Variants in LHFPL2 observed in about 807,000 individuals in gnomAD.
LHFPL2 encodes LHFPL tetraspan subfamily member 2 protein.
In LHFPL2, 7 loss-of-function variants were observed where a neutral mutation model predicts 17.5. That is an observed-to-expected ratio of 0.40 (90% CI 0.23 to 0.75). The LOEUF (loss-of-function observed/expected upper bound fraction) is 0.75. Ranked by LOEUF, LHFPL2 falls within the 30% of genes least tolerant of loss-of-function variation. The pLI, the probability that LHFPL2 is intolerant of heterozygous loss-of-function variation, is 0.37. For missense variants in LHFPL2, 241 were observed against 294.8 expected, an observed-to-expected ratio of 0.82 and a Z score of 1.34; for synonymous variants, 134 against 116.2, an observed-to-expected ratio of 1.15 and a Z score of -0.99.
intron 4 of LHFPL2, chr5:78,494,218 G>C (rs969767976): frequency 4.6e-5 from 10 of 217,234 alleles, no homozygotes; most frequent in Non-Finnish European, 7.0e-5. Context: ...CTTCTGCCTG[G>C]CATCTCTACC....
chr5:78,548,030 C>A (rs922160617), intron 3 of LHFPL2, among the ~76,000 whole-genome samples: 2 of 152,238 alleles, frequency 1.3e-5, no homozygotes, highest in African/African-American at 4.8e-5. Flanking sequence ...CGGGAGGATC[C>A]CGAGGGAATG....
In LHFPL2 at chr5:78,554,243, G is replaced by T. The variant is rs191644402; in HGVS notation, c.-186+10570C>A. ...CCCCGTTCCTGCACACGCTTACAGCGAGCACCCAGGACTTCCACCTGAGGG... is the reference window on the plus strand; with the variant it reads ...CCCCGTTCCTGCACACGCTTACAGCTAGCACCCAGGACTTCCACCTGAGGG... On this transcript the variant is annotated intron_variant, in intron 3 of 4. Coordinates refer to ENST00000380345, the MANE Select transcript of LHFPL2 (RefSeq NM_005779.3). 2.1e-3 allele frequency among the ~76,000 whole-genome samples: 321 copies of T among 152,362 alleles called. 2 individuals carry two copies. Among genetic ancestry groups the T allele is most frequent in the African/African-American group, 7.1e-3 (297 of 41,586 alleles).
chr5:78,621,092 T>A (rs1744837735), intron 2 of LHFPL2, among the ~76,000 whole-genome samples: 1 of 151,782 alleles, frequency 6.6e-6, no homozygotes, highest in Admixed American at 6.6e-5. Context: ...TATGACACCA[T>A]CCTTTAACTG....
At chr5:78,504,577 C>T (rs751844742) in intron 4 of LHFPL2, among the ~76,000 whole-genome samples, 2 of 152,132 alleles carry the variant, frequency 1.3e-5, no homozygotes, top group Non-Finnish European at 2.9e-5. Flanking sequence ...AGCTGCATTT[C>T]GTATGCCCAC....
At chr5:78,613,265 C>G (rs1267796351) in intron 2 of LHFPL2, among the ~76,000 whole-genome samples, 11 of 152,310 alleles carry the variant, frequency 7.2e-5, no homozygotes, top group Non-Finnish European at 1.3e-4. Flanking sequence ...AAGATCATGG[C>G]AAACTTGGAA....
intron 2 of LHFPL2, among the ~76,000 whole-genome samples, chr5:78,597,388 A>T (rs1240933838): frequency 6.6e-6 from 1 of 151,986 alleles, no homozygotes; most frequent in Non-Finnish European, 1.5e-5. Context: ...AGTTTTTCTA[A>T]TTTTTTCCCA....
At chr5:78,593,631 AATG>A (rs1346297894) in intron 2 of LHFPL2, among the ~76,000 whole-genome samples, 1 of 152,218 alleles carries the variant, frequency 6.6e-6, no homozygotes, top group Non-Finnish European at 1.5e-5. Context: ...TTGAACAAGC[AATG>A]ATGTATTTAT....
At chr5:78,585,852 G>T (rs959676433) in intron 2 of LHFPL2, among the ~76,000 whole-genome samples, 3 of 152,164 alleles carry the variant, frequency 2.0e-5, no homozygotes, top group Non-Finnish European at 4.4e-5. Context: ...GGTTGGGGTT[G>T]GGGTTGGGGA....
Position 78,539,771 on chromosome 5 carries a change from T to C in LHFPL2, c.-186+25042A>G, listed in dbSNP as rs549553662. On this transcript the variant is annotated intron_variant, in intron 3 of 4. Coordinates refer to ENST00000380345, the MANE Select transcript of LHFPL2 (RefSeq NM_005779.3). ...CCTGCTAAGCCACACTGGGCATTTT[T>C]CTTGCCCCACTAACAACTTCTACAT... 7.9e-5 allele frequency among the ~76,000 whole-genome samples: 12 copies of C among 151,962 alleles called. No individual in the cohort carries two copies. In the South Asian group the frequency reaches 1.9e-3, roughly 24 times the overall value.
At chr5:78,587,482 G>T (rs554457859) in intron 2 of LHFPL2, among the ~76,000 whole-genome samples, 1 of 152,216 alleles carries the variant, frequency 6.6e-6, no homozygotes, top group Non-Finnish European at 1.5e-5. Context: ...CCTGGACAAA[G>T]TGGGAGACTT....
At chr5:78,574,133 T>A (rs1168998204) in intron 2 of LHFPL2, among the ~76,000 whole-genome samples, 1 of 152,234 alleles carries the variant, frequency 6.6e-6, no homozygotes, top group Non-Finnish European at 1.5e-5. Context: ...ATTATTTACA[T>A]AATGTCTGTT....
At chr5:78,607,790 T>C (rs1321001667) in intron 2 of LHFPL2, among the ~76,000 whole-genome samples, 1 of 152,216 alleles carries the variant, frequency 6.6e-6, no homozygotes, top group Non-Finnish European at 1.5e-5. Context: ...TGGTAGGTTT[T>C]TTTTCCCCTA....
At chr5:78,635,719 T>C (rs999769813) in intron 1 of LHFPL2, among the ~76,000 whole-genome samples, 1 of 152,010 alleles carries the variant, frequency 6.6e-6, no homozygotes, top group Non-Finnish European at 1.5e-5. Flanking sequence ...AGGAGAATGG[T>C]GTGAACCCGG....
At chr5:78,531,477 T>C (rs1030056677) in intron 3 of LHFPL2, among the ~76,000 whole-genome samples, 1 of 151,286 alleles carries the variant, frequency 6.6e-6, no homozygotes, top group Admixed American at 6.6e-5. Flanking sequence ...AAAATAAAGA[T>C]AGCATCAGCA....
At chr5:78,643,808 C>G (rs1388764440) in intron 1 of LHFPL2, among the ~76,000 whole-genome samples, 2 of 152,332 alleles carry the variant, frequency 1.3e-5, no homozygotes, top group East Asian at 3.8e-4. Flanking sequence ...CGCCTGTAAT[C>G]TCAGCACTTT....
chr5:78,618,075 G>A (rs1158586318), intron 2 of LHFPL2, among the ~76,000 whole-genome samples: 1 of 152,080 alleles, frequency 6.6e-6, no homozygotes, highest in African/African-American at 2.4e-5. Context: ...TTGGTGGCAG[G>A]CGCCTGTAAT....
chr5:78,645,545 CA>C (rs1561380764), intron 1 of LHFPL2, among the ~76,000 whole-genome samples: 2 of 14,358 alleles, frequency 1.4e-4, no homozygotes, highest in East Asian at 7.8e-3. Flanking sequence ...CAGATGCATA[CA>C]CACACACACA....
intron 3 of LHFPL2, among the ~76,000 whole-genome samples, chr5:78,528,158 G>GATAC: frequency 6.6e-6 from 1 of 152,126 alleles, no homozygotes; most frequent in East Asian, 1.9e-4. Context: ...TACCTGCTAT[G>GATAC]GGCTTCCAAG....
chr5:78,573,314 A>C (rs1314771650), intron 2 of LHFPL2, among the ~76,000 whole-genome samples: 2 of 152,252 alleles, frequency 1.3e-5, no homozygotes, highest in Non-Finnish European at 2.9e-5. Context: ...CATTTGAGCT[A>C]AACTGAAAGG....
Sources: gnomAD v4.1 joint callset for allele counts (sites outside exome capture counted in the v4.1 genomes callset) on GRCh38, gnomAD v4.1.1 for gene constraint, MANE v1.5 for transcripts, NCBI Gene and HGNC (gene_info 2026-07-23, HGNC 2026-07-21) for gene names.